Variants in ABCA2 observed in about 807,000 individuals in gnomAD.
The protein encoded by ABCA2 is ATP binding cassette subfamily A member 2, also known as ATP-binding cassette sub-family A member 2.
Under a neutral mutation model 262.8 loss-of-function variants are expected in ABCA2, and 84 were observed. That is an observed-to-expected ratio of 0.32 (90% confidence interval 0.27 to 0.38). ABCA2 has a LOEUF of 0.38. ABCA2 is among the 10% of genes least tolerant of loss of function. ABCA2 has a pLI of 1.00. For missense variants in ABCA2, 2,662 were observed against 3,405.9 expected (o/e 0.78, Z 5.44); for synonymous variants, 1,696 against 1,502.9 (o/e 1.13, Z -2.97).
Position 137,014,416 on chromosome 9 carries a change from G to T in ABCA2, c.4004-12C>A. 7 of 1,575,854 alleles carry T rather than the reference G, an allele frequency of 4.4e-6. No individual in the cohort carries two copies. Among genetic ancestry groups the T allele is most frequent in the Non-Finnish European group, 6.0e-6 (7 of 1,161,754 alleles). On this transcript the variant is annotated splice_polypyrimidine_tract_variant and intron_variant, in intron 26 of 48. Coordinates refer to ENST00000341511, the MANE Select transcript of ABCA2 (RefSeq NM_001606.5). ...GGACTCCTTCACATCTGCCGCAGTG[G>T]AAGGGCCGAGGGGACACTCAGGGCT...
At chr9:137,012,403 G>A (rs753796567) in intron 32 of ABCA2, 27 bp from the exon 33 acceptor site, 5 of 1,609,146 alleles carry the variant, frequency 3.1e-6, no homozygotes, top group Non-Finnish European at 4.2e-6. Context: ...ACACAGAAAG[G>A]CCCCAGGACC....
rs1234322611 is a variant in ABCA2 at position 137,028,056 on chromosome 9, G to T, written c.66+19C>A. 1.0e-6 allele frequency: 1 copy of T among 982,404 alleles called. No homozygotes were observed. The highest frequency in any genetic ancestry group is 1.2e-6 in the Non-Finnish European group (1 of 827,934). The allele number at this position is 982,404 out of a possible 1,614,324, so 60.9% of individuals were successfully genotyped here. A position where few individuals can be genotyped will look rare whatever the true frequency, so the allele number is the denominator to read the frequency against. ...GCGCGCGGCCTCGGGCTGAGGGCGG[G>T]CGCGTGGGGTGGGCTCACCGGGCTC... On this transcript the variant is annotated intron_variant, in intron 1 of 48. Coordinates refer to ENST00000341511, the MANE Select transcript of ABCA2 (RefSeq NM_001606.5). This position sits in a 1 kb window ranked among gnomAD's most constrained non-coding sequence, Gnocchi z 6.9.
In ABCA2 at chr9:137,018,983, G is replaced by A. The variant is rs746356420; in HGVS notation, c.1642C>T (p.Leu548=). The change falls in exon 12 of 49, where the codon CTG becomes TTG. Residue 548 remains leucine, a synonymous_variant. Coordinates refer to ENST00000341511, the MANE Select transcript of ABCA2 (RefSeq NM_001606.5). ...PPALRQDNFS[L]PSGMALLQQL... ...TGCAGGAGGGCCATGCCACTGGGCA[G>A]CGAGAAGTTGTCCTGTCTCAGGGCC... The A allele has an allele frequency of 3.7e-6, 6 of 1,613,074 alleles. No homozygotes were observed. Among genetic ancestry groups the A allele is most frequent in the Admixed American group, 3.3e-5 (2 of 60,020 alleles).
In ABCA2 at chr9:137,016,906, G is replaced by A; in HGVS notation, c.2758+14C>T. 4 of 1,610,692 alleles carry A rather than the reference G, an allele frequency of 2.5e-6. No homozygotes were observed. Among genetic ancestry groups the A allele is most frequent in the Non-Finnish European group, 3.4e-6 (4 of 1,178,800 alleles). On this transcript the variant is annotated intron_variant, in intron 19 of 48. Transcript: ENST00000341511. ...CCCCTGCCTCTCCCCTGCCCTCCAAGGGCTGGCCAGTACCTGGGTGCACAG... is the reference window on the plus strand; with the variant it reads ...CCCCTGCCTCTCCCCTGCCCTCCAAAGGCTGGCCAGTACCTGGGTGCACAG...
In ABCA2 at chr9:137,024,150, C is replaced by T; in HGVS notation, c.153G>A (p.Val51=). The part of the protein sequence containing the change: ...GLRQKKPTIS[V]KEVSFYTAAP... Reference sequence around the variant, plus strand: ...GCCTCCTGCCGCACTCACCTTCCTTCACGGAGATGGTGGGCTTCTTCTGTC... The same window carrying T: ...GCCTCCTGCCGCACTCACCTTCCTTTACGGAGATGGTGGGCTTCTTCTGTC... Residue 51 remains valine (V), a synonymous_variant, in exon 2 of 49, where the codon GTG becomes GTA. Transcript: ENST00000341511. 6.2e-7 allele frequency: 1 copy of T among 1,609,364 alleles called. No homozygotes were observed. Among genetic ancestry groups the T allele is most frequent in the Non-Finnish European group, 8.5e-7 (1 of 1,178,422 alleles).
chr9:137,023,401 A>C, intron 3 of ABCA2: 1 of 707,336 alleles, frequency 1.4e-6, no homozygotes, highest in Non-Finnish European at 2.6e-6. Context: ...AGCCCAGGGG[A>C]GGACAAAGGA....
chr9:137,024,327 G>A lies in ABCA2; in HGVS notation c.67-91C>T, dbSNP rs555562770. 418 of 1,139,126 alleles carry A rather than the reference G, an allele frequency of 3.7e-4. 2 individuals carry two copies. The highest frequency in any genetic ancestry group is 1.4e-3 in the Admixed American group (50 of 36,640). 70.6% of individuals were successfully genotyped at this position (1,139,126 alleles called of 1,614,324 possible). On this transcript the variant is annotated intron_variant, in intron 1 of 48. Coordinates refer to ENST00000341511, the MANE Select transcript of ABCA2 (RefSeq NM_001606.5). The stretch of plus-strand genomic sequence containing the variant: ...CCATAGGGCTGGCCCAGCCCAGACA[G>A]GACCACGTGCTCCCTGGGGCCAGGG...
rs1438178250 is a variant in ABCA2 at position 137,017,181 on chromosome 9, G to A, written c.2553+15C>T. The A allele has an allele frequency of 1.9e-6, 3 of 1,611,778 alleles. No homozygotes were observed. Among genetic ancestry groups the A allele is most frequent in the Non-Finnish European group, 2.5e-6 (3 of 1,179,430 alleles). Reference sequence around the variant, plus strand: ...GGCCCGGCACCCCAGCCGCCCGCCTGCCCGCGACCCTCACCGCGATGCACT... The same window carrying A: ...GGCCCGGCACCCCAGCCGCCCGCCTACCCGCGACCCTCACCGCGATGCACT... On this transcript the variant is annotated intron_variant, in intron 18 of 48. Coordinates refer to ENST00000341511, the MANE Select transcript of ABCA2 (RefSeq NM_001606.5).
chr9:137,015,698 T>C lies in ABCA2; in HGVS notation c.3491A>G (p.Asp1164Gly). 1.2e-6 allele frequency: 2 copies of C among 1,609,780 alleles called. No individual in the cohort carries two copies. The highest frequency in any genetic ancestry group is 1.7e-6 in the Non-Finnish European group (2 of 1,178,692). The change falls in exon 23 of 49, where the codon GAC becomes GGC. Residue 1164 changes from aspartate to glycine, a missense_variant. Physicochemically the swap from Asp to Gly is moderately conservative, Grantham distance 94 (BLOSUM62 -1). This residue lies in a region of ABCA2 where 180 missense variants were observed against 307.3 expected (regional missense o/e 0.59). Transcript: ENST00000341511. ...ACCTGGCTTGTACTTCAGGATGAGGTCCCAGATGGCGCGGCGCGCGTAGGG... is the reference window on the plus strand; with the variant it reads ...ACCTGGCTTGTACTTCAGGATGAGGCCCCAGATGGCGCGGCGCGCGTAGGG... ...VDPYARRAIW[D>G]LILKYKPGRT... is the part of the protein sequence containing the mutation.
chr9:137,024,280 C>G, intron 1 of ABCA2, 44 bp from the exon 2 acceptor site: 2 of 1,504,232 alleles, frequency 1.3e-6, no homozygotes, highest in South Asian at 1.2e-5. Flanking sequence ...GACCTGTGCT[C>G]GCCTAGGCCC....
Position 137,012,537 on chromosome 9 carries a change from C to T in ABCA2, c.5135G>A (p.Gly1712Asp), listed in dbSNP as rs1172551884. 3.5e-5 allele frequency: 57 copies of T among 1,611,908 alleles called. No homozygotes were observed. Among genetic ancestry groups the T allele is most frequent in the Non-Finnish European group, 4.4e-5 (52 of 1,179,908 alleles). Residue 1712 changes from glycine (G) to aspartate (D), a missense_variant, in exon 32 of 49, where the codon GGC becomes GAC. Physicochemically the swap from Gly to Asp is moderately conservative, Grantham distance 94 (BLOSUM62 -1). Around this residue, in one of 12 missense-constraint regions of ABCA2, gnomAD observed 602 missense variants for 897.4 expected, o/e 0.67. Transcript: ENST00000341511. Reference sequence around the variant, plus strand: ...CCGCACCATGGGTGGGGCCCTGGTGCCAAATGAGGCTGGGATGGACTTCAG... The same window carrying T: ...CCGCACCATGGGTGGGGCCCTGGTGTCAAATGAGGCTGGGATGGACTTCAG... The part of the protein sequence containing the change: ...NVLKSIPASF[G>D]TRAPPMVRKI...
rs1229085982 is a variant in ABCA2, at chr9:137,019,579, C to T, written c.1426-273G>A. 2.7e-5 allele frequency: 11 copies of T among 402,564 alleles called. No homozygotes were observed. The highest frequency in any genetic ancestry group is 8.4e-5 in the African/African-American group (4 of 47,698). 24.9% of individuals were successfully genotyped at this position (402,564 alleles called of 1,614,324 possible). A position where few individuals can be genotyped will look rare whatever the true frequency, so the allele number is the denominator to read the frequency against. ...CTGGGATTACAGGTGCCCACCACCA[C>T]GCCTGGCTAATTTTGTATTTTTGGT... On this transcript the variant is annotated intron_variant, in intron 10 of 48. Transcript: ENST00000341511. This position sits in a 1 kb window ranked among gnomAD's most constrained non-coding sequence, Gnocchi z 4.4.
Position 137,014,358 on chromosome 9 carries a change from C to T in ABCA2, c.4050G>A (p.Pro1350=), listed in dbSNP as rs537991192. Residue 1350 remains proline (P), a synonymous_variant, in exon 27 of 49, where the codon CCG becomes CCA. Coordinates refer to ENST00000341511, the MANE Select transcript of ABCA2 (RefSeq NM_001606.5). ...RKDVLPGAEG[P]ASGEGHAGNL... ...TGCCAGCGTGACCCTCCCCAGACGC[C>T]GGGCCCTCCGCCCCAGGGAGCACAT... 6.9e-5 allele frequency: 111 copies of T among 1,599,414 alleles called. No individual in the cohort carries two copies. The highest frequency in any genetic ancestry group is 2.5e-4 in the East Asian group (11 of 43,972).
chr9:137,020,156 CT>C, intron 10 of ABCA2, 179 bp downstream of exon 10: 43 of 740,536 alleles, frequency 5.8e-5, no homozygotes, highest in Admixed American at 1.9e-4. Flanking sequence ...GCCCCTGGAG[CT>C]CCCGAAAGGA....
chr9:137,015,931 A>ACCTGCCCCCCCCCCCCC, intron 22 of ABCA2, 31 bp downstream of exon 22: 1 of 414,432 alleles, frequency 2.4e-6, no homozygotes, highest in Admixed American at 4.5e-5. Flanking sequence ...GCCTCCGCCC[A>ACCTGCCCCCCCCCCCCC]CCTGCCCCGC....
rs1588503561 is a variant in ABCA2, at chr9:137,008,043, C to A, written c.7276-79G>T. ...GGCTGAGGACACTTGTGCTGGCCCG[C>A]CCCGGCCCTCCTGCAGGCTGGGCCT... On this transcript the variant is annotated intron_variant, in intron 48 of 48. Coordinates refer to ENST00000341511, the MANE Select transcript of ABCA2 (RefSeq NM_001606.5). 3 of 1,528,088 alleles carry A rather than the reference C, an allele frequency of 2.0e-6. No individual in the cohort carries two copies. In the Admixed American group the frequency reaches 5.5e-5, roughly 28 times the overall value. The allele number at this position is 1,528,088 out of a possible 1,614,324, so 94.7% of individuals were successfully genotyped here. A position where few individuals can be genotyped will look rare whatever the true frequency, so the allele number is the denominator to read the frequency against.
At chr9:137,013,758 G>A in intron 28 of ABCA2, 74 bp downstream of exon 28, 3 of 1,496,356 alleles carry the variant, frequency 2.0e-6, no homozygotes, top group Non-Finnish European at 2.7e-6. Flanking sequence ...AAGCTCAGGA[G>A]TGGGCATCAT....
In ABCA2 at chr9:137,016,992, C is replaced by T; in HGVS notation, c.2686G>A (p.Ala896Thr). The T allele has an allele frequency of 3.7e-6, 6 of 1,612,794 alleles. No individual in the cohort carries two copies. The Middle Eastern group carries it at 6.6e-4, about 177-fold the overall frequency. Residue 896 changes from alanine to threonine, a missense_variant, in exon 19 of 49, where the codon GCT (alanine) becomes ACT (threonine). Physicochemically the swap from Ala to Thr is moderately conservative, Grantham distance 58 (BLOSUM62 0). Around this residue, in one of 12 missense-constraint regions of ABCA2, gnomAD observed 188 missense variants for 343.4 expected, o/e 0.55. Coordinates refer to ENST00000341511, the MANE Select transcript of ABCA2 (RefSeq NM_001606.5). ...GCGTCCACCATCAGCATGGTGACAG[C>T]CAGGAGCAAGTTGAAGTCGTCCCCC... ...VEGDDFNLLLAVTMLMVDAVV... is the reference protein window; with the variant it reads ...VEGDDFNLLLTVTMLMVDAVV...
Position 137,008,943 on chromosome 9 carries a change from C to G in ABCA2, c.6930+8G>C. 3 of 1,574,244 alleles carry G rather than the reference C, an allele frequency of 1.9e-6. No homozygotes were observed. Among genetic ancestry groups the G allele is most frequent in the Non-Finnish European group, 2.6e-6 (3 of 1,165,052 alleles). On this transcript the variant is annotated splice_region_variant and intron_variant, in intron 46 of 48. Coordinates refer to ENST00000341511, the MANE Select transcript of ABCA2 (RefSeq NM_001606.5). Reference sequence around the variant, plus strand: ...GCCCCCTCCACAACCCTGCCCGGGACGGCGCACCTTGAGCATGGCTTCCGG... The same window carrying G: ...GCCCCCTCCACAACCCTGCCCGGGAGGGCGCACCTTGAGCATGGCTTCCGG...
Sources: allele counts gnomAD v4.1 joint callset, GRCh38; gene constraint gnomAD v4.1.1; regional missense constraint gnomAD v4.1.1; non-coding constraint Gnocchi (gnomAD v3.1); transcripts MANE v1.5; gene names NCBI Gene and HGNC (gene_info 2026-07-23, HGNC 2026-07-21).